LCLAT1: variants seen among roughly 807,000 people sequenced by gnomAD.
The protein encoded by LCLAT1 is 1-AGP acyltransferase 8.
In LCLAT1, 11 loss-of-function variants were observed where a neutral mutation model predicts 30.7. The observed-to-expected ratio is 0.36, with a 90% CI of 0.23 to 0.59. The LOEUF (loss-of-function observed/expected upper bound fraction) is 0.59. Ranked by LOEUF, LCLAT1 falls within the 20% of genes least tolerant of loss-of-function variation. The probability of loss-of-function intolerance (pLI) is 0.77; values close to 1 mark genes in which losing one functional copy is unlikely to be tolerated. For synonymous variants in LCLAT1, 155 were observed against 151.3 expected (o/e 1.02, Z -0.18); for missense variants, 402 against 458.6 (o/e 0.88, Z 1.13).
intron 1 of LCLAT1, among the ~76,000 whole-genome samples, chr2:30,503,037 A>G (rs190430823): frequency 6.6e-5 from 10 of 152,328 alleles, no homozygotes; most frequent in African/African-American, 2.4e-4. Context: ...CCTACTTTCA[A>G]TTACATGCAA....
intron 3 of LCLAT1, among the ~76,000 whole-genome samples, chr2:30,551,002 A>C (rs887419739): frequency 6.6e-6 from 1 of 152,108 alleles, no homozygotes; most frequent in Non-Finnish European, 1.5e-5. Flanking sequence ...TTCTTGAGAC[A>C]GGGTCTTGCT....
chr2:30,516,671 A>G (rs925172366), intron 1 of LCLAT1, among the ~76,000 whole-genome samples: 3 of 152,130 alleles, frequency 2.0e-5, no homozygotes, highest in African/African-American at 7.2e-5. Flanking sequence ...GCCTGCCATC[A>G]TCTTGAGAGC....
chr2:30,550,732 A>G (rs1435647462), intron 3 of LCLAT1, among the ~76,000 whole-genome samples: 1 of 152,114 alleles, frequency 6.6e-6, no homozygotes, highest in East Asian at 1.9e-4. Context: ...TACTCAATCC[A>G]CTAAGCACAG....
chr2:30,542,249 G>T (rs911817124), intron 3 of LCLAT1, among the ~76,000 whole-genome samples: 1 of 151,960 alleles, frequency 6.6e-6, no homozygotes, highest in African/African-American at 2.4e-5. Context: ...TCTTCTTATT[G>T]TTCTTTCTTT....
chr2:30,469,947 T>C (rs1682690989), intron 1 of LCLAT1, among the ~76,000 whole-genome samples: 1 of 152,132 alleles, frequency 6.6e-6, no homozygotes, highest in African/African-American at 2.4e-5. Flanking sequence ...GCCAAGCTAG[T>C]CTCAAACTTC....
At chr2:30,480,434 A>G (rs1237823194) in intron 1 of LCLAT1, among the ~76,000 whole-genome samples, 1 of 152,154 alleles carries the variant, frequency 6.6e-6, no homozygotes, top group Non-Finnish European at 1.5e-5. Flanking sequence ...AGTTCAAGTA[A>G]TCTACCTGCC....
chr2:30,478,050 C>G (rs1416434746), intron 1 of LCLAT1, among the ~76,000 whole-genome samples: 1 of 116,862 alleles, frequency 8.6e-6, no homozygotes, highest in Non-Finnish European at 1.7e-5. Flanking sequence ...AACGTAAAGT[C>G]AAAAGTGTTA....
chr2:30,637,582 GTTC>G (rs1669098026), intron 5 of LCLAT1, among the ~76,000 whole-genome samples: 1 of 152,024 alleles, frequency 6.6e-6, no homozygotes, highest in Non-Finnish European at 1.5e-5. Context: ...TACTGGCCCA[GTTC>G]TTTTTTATTG....
chr2:30,478,709 A>G (rs1683169087), intron 1 of LCLAT1, among the ~76,000 whole-genome samples: 1 of 152,152 alleles, frequency 6.6e-6, no homozygotes, highest in Non-Finnish European at 1.5e-5. Flanking sequence ...GTAGGTAGGT[A>G]GGTAGATACA....
At position 30,635,960 on chromosome 2, in the gene LCLAT1, C is replaced by T. The variant is rs962625647; in HGVS notation, c.629-4157C>T. On this transcript the variant is annotated intron_variant, in intron 5 of 5. Coordinates refer to ENST00000379509, the MANE Select transcript of LCLAT1 (RefSeq NM_001002257.3). ...GAGTCTAAAAAAGCAAAGACATGGT[C>T]CTTGCCCTTAATGTACTTGAGCATC... Among the ~76,000 whole-genome samples, 7 of 152,150 alleles carry T rather than the reference C, an allele frequency of 4.6e-5. No homozygotes were observed. In the South Asian group the frequency reaches 6.2e-4, roughly 14 times the overall value.
intron 3 of LCLAT1, among the ~76,000 whole-genome samples, chr2:30,555,045 A>G (rs1387758077): frequency 1.3e-5 from 2 of 152,136 alleles, no homozygotes; most frequent in Admixed American, 6.5e-5. Context: ...CCATACCTAG[A>G]CTAACACTGA....
chr2:30,617,501 G>A (rs777928436), intron 5 of LCLAT1, among the ~76,000 whole-genome samples: 4 of 152,078 alleles, frequency 2.6e-5, no homozygotes, highest in Admixed American at 2.0e-4. Context: ...AGACATTTTT[G>A]TATTAATACA....
At chr2:30,640,073 A>G in intron 5 of LCLAT1, 44 bp from the exon 6 acceptor site, 1 of 1,514,506 alleles carries the variant, frequency 6.6e-7, no homozygotes, top group Non-Finnish European at 9.0e-7. Context: ...TATCACCCAA[A>G]TTGAGCACTG....
At chr2:30,515,516 G>C (rs829638) in intron 1 of LCLAT1, among the ~76,000 whole-genome samples, 1 of 151,978 alleles carries the variant, frequency 6.6e-6, no homozygotes, top group Non-Finnish European at 1.5e-5. Flanking sequence ...AAAGAATAAC[G>C]TACACAGTTA....
In LCLAT1 at chr2:30,471,677, C is replaced by T. The variant is rs569167836; in HGVS notation, c.-5+24294C>T. 1.7e-3 allele frequency among the ~76,000 whole-genome samples: 258 copies of T among 152,156 alleles called. 1 individual carries two copies. The highest frequency in any genetic ancestry group is 3.4e-3 in the Middle Eastern group (1 of 294). The stretch of plus-strand genomic sequence containing the variant: ...TAAATGGAATTACTAATTTTCCTTT[C>T]GGTTTGTTTATTACTGGTGCGTAGA... On this transcript the variant is annotated intron_variant, in intron 1 of 5. Coordinates refer to ENST00000379509, the MANE Select transcript of LCLAT1 (RefSeq NM_001002257.3).
chr2:30,476,411 A>T, intron 1 of LCLAT1: 1 of 456,692 alleles, frequency 2.2e-6, no homozygotes, highest in Non-Finnish European at 4.4e-6. Context: ...GCCACTCCAC[A>T]TCACTTGAAT....
chr2:30,640,599 A>T lies in LCLAT1; in HGVS notation c.1111A>T (p.Asn371Tyr), dbSNP rs754032169. ...YRLLHKQPHL[N>Y]SKKNE ...ACTTTTACACAAACAGCCACATTTA[A>T]ATTCAAAGAAAAATGAGTAAGATTA... The change falls in exon 6 of 6, where the codon AAT becomes TAT. Residue 371 changes from asparagine (N) to tyrosine (Y), a missense_variant. Transcript: ENST00000379509. 29 of 1,603,914 alleles carry T rather than the reference A, an allele frequency of 1.8e-5. No individual in the cohort carries two copies. Among genetic ancestry groups the T allele is most frequent in the Non-Finnish European group, 2.2e-5 (26 of 1,176,312 alleles).
chr2:30,640,785 AT>A lies in LCLAT1; in HGVS notation c.*174del, dbSNP rs1558575764. 63 of 806,690 alleles carry A rather than the reference AT, an allele frequency of 7.8e-5. No individual in the cohort carries two copies. Among genetic ancestry groups the A allele is most frequent in the East Asian group, 2.2e-4 (8 of 35,912 alleles). 50.0% of individuals were successfully genotyped at this position (806,690 alleles called of 1,614,324 possible). Reference sequence around the variant, plus strand: ...ATTTTGTGGGAAAAATATTGCTACAATTTTTTTTAATCTCTGAATGTAATTT... The same window carrying A: ...ATTTTGTGGGAAAAATATTGCTACAATTTTTTTAATCTCTGAATGTAATTT... On this transcript the variant is annotated 3_prime_UTR_variant, in exon 6 of 6. Transcript: ENST00000379509.
intron 1 of LCLAT1, among the ~76,000 whole-genome samples, chr2:30,467,739 T>G (rs1375191354): frequency 1.3e-5 from 2 of 152,266 alleles, no homozygotes; most frequent in Non-Finnish European, 1.5e-5. Flanking sequence ...ATGTCTTCTT[T>G]TGAGAAGTGT....
Sources: allele counts gnomAD v4.1 joint callset (sites outside exome capture counted in the v4.1 genomes callset), GRCh38; gene constraint gnomAD v4.1.1; transcripts MANE v1.5; gene names NCBI Gene and HGNC (gene_info 2026-07-23, HGNC 2026-07-21).